DYNC1I1: variants seen among roughly 807,000 people sequenced by gnomAD.
DYNC1I1 encodes cytoplasmic dynein 1 intermediate chain 1.
A neutral mutation model predicts 86.6 loss-of-function variants in DYNC1I1; 43 were observed. The ratio of observed to expected loss-of-function variants is 0.50; its 90% confidence interval spans 0.39 to 0.64. The LOEUF (loss-of-function observed/expected upper bound fraction) is 0.64, where lower values mean the gene tolerates loss of function less well. Among genes scored for constraint, DYNC1I1 ranks in the 30% least tolerant of loss-of-function variants. The pLI, the probability that DYNC1I1 is intolerant of heterozygous loss-of-function variation, is 0.00. For missense variants in DYNC1I1, 604 were observed against 788.8 expected (o/e 0.77, Z 2.81); for synonymous variants, 262 against 283.7 (o/e 0.92, Z 0.77).
intron 6 of DYNC1I1, among the ~76,000 whole-genome samples, chr7:95,931,446 G>T (rs1008834031): frequency 3.9e-5 from 6 of 152,156 alleles, no homozygotes; most frequent in Non-Finnish European, 5.9e-5. Flanking sequence ...ACTGCGCCCG[G>T]CCTATGACTA....
At chr7:95,919,979 G>A (rs1791568353) in intron 6 of DYNC1I1, among the ~76,000 whole-genome samples, 3 of 152,100 alleles carry the variant, frequency 2.0e-5, no homozygotes, top group Admixed American at 1.3e-4. Context: ...CCATACAGAA[G>A]GATCTCAGAT....
chr7:95,944,261 G>A (rs1339230151), intron 6 of DYNC1I1, among the ~76,000 whole-genome samples: 1 of 152,144 alleles, frequency 6.6e-6, no homozygotes, highest in African/African-American at 2.4e-5. Context: ...GCAGCCAAAA[G>A]ACACATGAAA....
At chr7:95,975,429 C>T (rs765792334) in intron 6 of DYNC1I1, among the ~76,000 whole-genome samples, 1 of 152,154 alleles carries the variant, frequency 6.6e-6, no homozygotes, top group Non-Finnish European at 1.5e-5. Flanking sequence ...TGTTCCTTGG[C>T]TTGTAAAAGC....
At chr7:96,049,066 C>A (rs996302287) in intron 14 of DYNC1I1, among the ~76,000 whole-genome samples, 1 of 151,782 alleles carries the variant, frequency 6.6e-6, no homozygotes, top group Non-Finnish European at 1.5e-5. Flanking sequence ...GAGACCATCA[C>A]GGCTAACACG....
intron 1 of DYNC1I1, among the ~76,000 whole-genome samples, chr7:95,792,113 GAAGTA>G (rs547463721): frequency 1.9e-4 from 29 of 152,348 alleles, no homozygotes; most frequent in African/African-American, 6.7e-4. Flanking sequence ...CTAAGGTACA[GAAGTA>G]AATTAGACAT....
intron 16 of DYNC1I1, among the ~76,000 whole-genome samples, chr7:96,109,117 C>G (rs1033033876): frequency 2.6e-5 from 4 of 151,698 alleles, no homozygotes; most frequent in African/African-American, 9.7e-5. Context: ...GGTTTTTTCC[C>G]TCCTTTTCTG....
chr7:95,836,846 G>T, intron 5 of DYNC1I1, among the ~76,000 whole-genome samples: 1 of 151,760 alleles, frequency 6.6e-6, no homozygotes, highest in Non-Finnish European at 1.5e-5. Flanking sequence ...TCTCTGTATT[G>T]GTTATTCTAG....
At chr7:95,963,455 A>G (rs749190430) in intron 6 of DYNC1I1, among the ~76,000 whole-genome samples, 4 of 152,184 alleles carry the variant, frequency 2.6e-5, no homozygotes, top group Non-Finnish European at 5.9e-5. Flanking sequence ...TAGAAGAATT[A>G]TTGTTAAAGG....
At chr7:95,862,644 G>A (rs1437441677) in intron 5 of DYNC1I1, among the ~76,000 whole-genome samples, 1 of 152,156 alleles carries the variant, frequency 6.6e-6, no homozygotes, top group Non-Finnish European at 1.5e-5. Context: ...TAATTTGACA[G>A]GTCCTCAAAA....
At chr7:95,985,082 G>C (rs1793553025) in intron 8 of DYNC1I1, 105 bp downstream of exon 8, 1 of 1,515,010 alleles carries the variant, frequency 6.6e-7, no homozygotes, top group Admixed American at 2.2e-5. Flanking sequence ...AATCAGAGGA[G>C]GGTGAAATTT....
At chr7:95,957,543 G>A (rs1405090309) in intron 6 of DYNC1I1, among the ~76,000 whole-genome samples, 1 of 152,156 alleles carries the variant, frequency 6.6e-6, no homozygotes, top group Non-Finnish European at 1.5e-5. Flanking sequence ...TCTTGTCTGA[G>A]AAGTTCTTGA....
At chr7:96,039,491 A>G (rs1052387553) in intron 14 of DYNC1I1, 70 bp downstream of exon 14, 15 of 1,599,984 alleles carry the variant, frequency 9.4e-6, no homozygotes, top group Non-Finnish European at 1.2e-5. Flanking sequence ...TTCCCTGGAA[A>G]CAGTTGTCCC....
chr7:96,101,633 T>TTAC (rs1390355910), downstream of DYNC1I1, among the ~76,000 whole-genome samples: 1 of 152,164 alleles, frequency 6.6e-6, no homozygotes, highest in Non-Finnish European at 1.5e-5. Context: ...AATGGAGTGT[T>TTAC]TACTAAAGTC....
rs1704292850 is a variant in DYNC1I1, at chr7:95,956,588, T to A, written c.491-20924T>A. Among the ~76,000 whole-genome samples, 4 of 151,982 alleles carry A rather than the reference T, an allele frequency of 2.6e-5. No individual in the cohort carries two copies. In the South Asian group the frequency reaches 8.3e-4, roughly 32 times the overall value. On this transcript the variant is annotated intron_variant, in intron 6 of 16. Coordinates refer to ENST00000447467, the MANE Select transcript of DYNC1I1 (RefSeq NM_001135556.2). ...TGATGTTCCCCTCCCTGTGTCCATA[T>A]GTTCTCATTGTTCAGCTCCCACTTA...
intron 5 of DYNC1I1, among the ~76,000 whole-genome samples, chr7:95,851,221 C>T (rs764980635): frequency 1.5e-4 from 23 of 152,138 alleles, no homozygotes; most frequent in Non-Finnish European, 2.9e-4. Context: ...AGACATGAGC[C>T]ACCATGCCTG....
At chr7:95,944,242 G>T (rs1792328526) in intron 6 of DYNC1I1, among the ~76,000 whole-genome samples, 1 of 152,194 alleles carries the variant, frequency 6.6e-6, no homozygotes, top group African/African-American at 2.4e-5. Flanking sequence ...CTCAAAAGAA[G>T]ATATTTATGC....
At chr7:95,873,326 G>A (rs912929664) in intron 6 of DYNC1I1, among the ~76,000 whole-genome samples, 1 of 152,144 alleles carries the variant, frequency 6.6e-6, no homozygotes, top group Non-Finnish European at 1.5e-5. Flanking sequence ...GCACCATTGG[G>A]TCAGCTGGAC....
At chr7:95,784,274 A>G (rs1377770388) in intron 1 of DYNC1I1, among the ~76,000 whole-genome samples, 1 of 152,200 alleles carries the variant, frequency 6.6e-6, no homozygotes, top group African/African-American at 2.4e-5. Flanking sequence ...CTTCAAAGTC[A>G]TGTTAAATTA....
chr7:96,107,371 A>T (rs1004074466), intron 16 of DYNC1I1, among the ~76,000 whole-genome samples: 1 of 152,038 alleles, frequency 6.6e-6, no homozygotes, highest in Non-Finnish European at 1.5e-5. Flanking sequence ...TACTAGAGAC[A>T]TACTTATTAG....
Sources: allele counts gnomAD v4.1 joint callset (sites outside exome capture counted in the v4.1 genomes callset), GRCh38; gene constraint gnomAD v4.1.1; transcripts MANE v1.5; gene names NCBI Gene and HGNC (gene_info 2026-07-23, HGNC 2026-07-21).